AUTS2: variants seen among roughly 807,000 people sequenced by gnomAD.
The protein encoded by AUTS2 is autism susceptibility gene 2 protein.
AUTS2 carries 17 observed loss-of-function variants against 112.4 expected under a neutral mutation model. The observed-to-expected ratio is 0.15, with a 90% confidence interval of 0.10 to 0.23. AUTS2 has a LOEUF of 0.23. AUTS2 is among the 10% of genes least tolerant of loss of function. The probability of loss-of-function intolerance (pLI) is 1.00; values close to 1 mark genes in which losing one functional copy is unlikely to be tolerated. For synonymous variants in AUTS2, 751 were observed against 702.7 expected (o/e 1.07, Z -1.09); for missense variants, 1,510 against 1,701.6 (o/e 0.89, Z 1.98).
intron 2 of AUTS2, among the ~76,000 whole-genome samples, chr7:69,992,162 A>G (rs1798766487): frequency 6.6e-6 from 1 of 152,194 alleles, no homozygotes; most frequent in Non-Finnish European, 1.5e-5. Flanking sequence ...TGTGAGACGG[A>G]AAAGGAGCAT....
At chr7:70,700,222 G>C (rs1448499649) in intron 6 of AUTS2, among the ~76,000 whole-genome samples, 1 of 151,558 alleles carries the variant, frequency 6.6e-6, no homozygotes, top group Non-Finnish European at 1.5e-5. Flanking sequence ...AGTGTGATTT[G>C]TGGCATCTAT....
intron 1 of AUTS2, among the ~76,000 whole-genome samples, chr7:69,621,089 C>A (rs1054743634): frequency 1.3e-5 from 2 of 152,180 alleles, no homozygotes; most frequent in African/African-American, 4.8e-5. Context: ...ATAATGAGAA[C>A]AAGCATTTAT....
chr7:69,822,833 A>C (rs1310155238), intron 1 of AUTS2, among the ~76,000 whole-genome samples: 1 of 152,222 alleles, frequency 6.6e-6, no homozygotes, highest in Non-Finnish European at 1.5e-5. Flanking sequence ...ATGAGATCAT[A>C]CATATGGCTG....
At chr7:69,603,453 A>G (rs527947865) in intron 1 of AUTS2, among the ~76,000 whole-genome samples, 2 of 152,162 alleles carry the variant, frequency 1.3e-5, no homozygotes, top group Admixed American at 6.5e-5. Context: ...TATCTTGATT[A>G]TTTTTTGCTG....
At chr7:70,057,470 A>G (rs1172082492) in intron 2 of AUTS2, among the ~76,000 whole-genome samples, 1 of 152,194 alleles carries the variant, frequency 6.6e-6, no homozygotes, top group Non-Finnish European at 1.5e-5. Flanking sequence ...TTCCCAGAGT[A>G]CTGTTAAATT....
intron 5 of AUTS2, among the ~76,000 whole-genome samples, chr7:70,536,119 G>A (rs1029897252): frequency 2.0e-5 from 3 of 152,154 alleles, no homozygotes; most frequent in Non-Finnish European, 2.9e-5. Context: ...CTTGAGGTCA[G>A]GAGTTCGAAA....
chr7:70,387,178 C>T (rs1227537469), intron 4 of AUTS2, among the ~76,000 whole-genome samples: 1 of 152,148 alleles, frequency 6.6e-6, no homozygotes, highest in Non-Finnish European at 1.5e-5. Flanking sequence ...GCACAGTTTG[C>T]TCTCTCTGTT....
rs371788733 is a variant in AUTS2 at position 70,575,585 on chromosome 7, A to G, written c.691-122984A>G. On this transcript the variant is annotated intron_variant, in intron 5 of 18. Coordinates refer to ENST00000342771, the MANE Select transcript of AUTS2 (RefSeq NM_015570.4). ...CTTCTGCTGGCACCTGACACTTTCA[A>G]TACCATAATGGCATTCACATGCATT... is the stretch of plus-strand genomic sequence containing the variant. 9.8e-5 allele frequency among the ~76,000 whole-genome samples: 15 copies of G among 152,328 alleles called. No individual in the cohort carries two copies. The South Asian group carries it at 2.5e-3, about 25-fold the overall frequency.
chr7:70,015,638 A>G (rs1799992525), intron 2 of AUTS2, among the ~76,000 whole-genome samples: 1 of 152,238 alleles, frequency 6.6e-6, no homozygotes, highest in African/African-American at 2.4e-5. Flanking sequence ...GCAAAGAAAT[A>G]ATATACAGCA....
chr7:70,446,694 G>A (rs1407300555), intron 5 of AUTS2, among the ~76,000 whole-genome samples: 1 of 152,158 alleles, frequency 6.6e-6, no homozygotes. Context: ...ACTACAGAGT[G>A]CATTAAAATT....
chr7:69,725,298 C>A (rs1370197892), intron 1 of AUTS2, among the ~76,000 whole-genome samples: 2 of 152,100 alleles, frequency 1.3e-5, no homozygotes, highest in Admixed American at 6.5e-5. Context: ...CCACTTGAAT[C>A]AAAAAGTAAA....
intron 5 of AUTS2, among the ~76,000 whole-genome samples, chr7:70,525,890 A>C (rs1402475735): frequency 6.6e-6 from 1 of 152,230 alleles, no homozygotes; most frequent in Non-Finnish European, 1.5e-5. Context: ...AAACAGGAGC[A>C]TTCTGGACAG....
intron 4 of AUTS2, among the ~76,000 whole-genome samples, chr7:70,230,418 A>G (rs1234612371): frequency 2.0e-5 from 3 of 152,186 alleles, no homozygotes; most frequent in Non-Finnish European, 4.4e-5. Flanking sequence ...CCACCCCTGA[A>G]ATCAAAATAG....
intron 4 of AUTS2, among the ~76,000 whole-genome samples, chr7:70,241,465 T>C (rs1812609770): frequency 6.6e-6 from 1 of 152,192 alleles, no homozygotes; most frequent in Non-Finnish European, 1.5e-5. Context: ...TAGATAAAAG[T>C]ACTTACTACT....
chr7:69,865,863 A>G (rs1299320066), intron 1 of AUTS2, among the ~76,000 whole-genome samples: 1 of 152,162 alleles, frequency 6.6e-6, no homozygotes, highest in Non-Finnish European at 1.5e-5. Flanking sequence ...ATTTTATTAG[A>G]AGCACAATGT....
intron 4 of AUTS2, among the ~76,000 whole-genome samples, chr7:70,312,744 T>G (rs1458727107): frequency 6.6e-6 from 1 of 152,218 alleles, no homozygotes; most frequent in Non-Finnish European, 1.5e-5. Context: ...AGTACAACTT[T>G]CTGTCACATT....
chr7:70,724,725 G>A (rs761907936), intron 6 of AUTS2, among the ~76,000 whole-genome samples: 3 of 152,134 alleles, frequency 2.0e-5, no homozygotes, highest in Non-Finnish European at 4.4e-5. Context: ...GATTACAGGC[G>A]TGAGCCACCG....
intron 1 of AUTS2, among the ~76,000 whole-genome samples, chr7:69,698,095 A>T (rs552057598): frequency 6.6e-6 from 1 of 152,182 alleles, no homozygotes; most frequent in Admixed American, 6.5e-5. Context: ...GTATAACTCA[A>T]TTTATACATA....
At chr7:69,808,471 A>C (rs1790405399) in intron 1 of AUTS2, among the ~76,000 whole-genome samples, 1 of 152,212 alleles carries the variant, frequency 6.6e-6, no homozygotes, top group African/African-American at 2.4e-5. Context: ...CATGTTTAGC[A>C]TTCTAAATAT....
Sources: gnomAD v4.1 joint callset for allele counts (sites outside exome capture counted in the v4.1 genomes callset) on GRCh38, gnomAD v4.1.1 for gene constraint, MANE v1.5 for transcripts, NCBI Gene and HGNC (gene_info 2026-07-23, HGNC 2026-07-21) for gene names.